IQSEC2: variants seen among roughly 807,000 people sequenced by gnomAD.
IQSEC2 encodes IQ motif and Sec7 domain ArfGEF 2.
Under a neutral mutation model 74.6 loss-of-function variants are expected in IQSEC2, and 6 were observed. That is an observed-to-expected ratio of 0.08 (90% CI 0.04 to 0.16). IQSEC2 has a LOEUF of 0.16. IQSEC2 is among the 10% of genes least tolerant of loss of function. The pLI is 1.00. For synonymous variants in IQSEC2, 494 were observed against 544.5 expected, an observed-to-expected ratio of 0.91 and a Z score of 1.29; for missense variants, 734 against 1,306.2, an observed-to-expected ratio of 0.56 and a Z score of 6.75.
Position 53,250,639 on chromosome X carries a change from C to T in IQSEC2, c.1937G>A (p.Arg646His). 8.3e-7 allele frequency: 1 copy of T among 1,208,193 alleles called. No individual in the cohort carries two copies. Among genetic ancestry groups the T allele is most frequent in the African/African-American group, 1.7e-5 (1 of 57,727 alleles). The part of the protein sequence containing the change: ...GPPGRAPIPH[R>H]HYPAPEGPAP... ...TGGGCCTTCAGGGGCTGGGTAGTGGCGGTGTGGGATCGGGGCCCTGCCTGG... is the reference window on the plus strand; with the variant it reads ...TGGGCCTTCAGGGGCTGGGTAGTGGTGGTGTGGGATCGGGGCCCTGCCTGG... The change falls in exon 5 of 15, where the codon CGC (arginine) becomes CAC (histidine). Residue 646 changes from arginine to histidine, a missense_variant. Physicochemically the swap from Arg to His is conservative, Grantham distance 29. Coordinates refer to ENST00000642864, the MANE Select transcript of IQSEC2 (RefSeq NM_001111125.3).
chrX:53,286,449 C>G (rs7064832), intron 2 of IQSEC2, among the ~76,000 whole-genome samples: 385 of 112,179 alleles, frequency 3.4e-3, no homozygotes, highest in African/African-American at 0.012. Context: ...TCTCTCTCCT[C>G]TCATCCAATT....
chrX:53,244,524 T>C (rs1434103690), intron 8 of IQSEC2, among the ~76,000 whole-genome samples: 1 of 72,294 alleles, frequency 1.4e-5, no homozygotes, highest in Non-Finnish European at 2.3e-5. Flanking sequence ...AGACCCTGTC[T>C]CAAAAAAAAA....
chrX:53,260,919 T>C (rs1359481444), intron 2 of IQSEC2, among the ~76,000 whole-genome samples: 1 of 111,285 alleles, frequency 9.0e-6, no homozygotes, highest in African/African-American at 3.3e-5. Flanking sequence ...TGACATCTTG[T>C]TGCCTCTCCT....
At chrX:53,307,829 G>C (rs1393862387) in intron 1 of IQSEC2, among the ~76,000 whole-genome samples, 1 of 103,494 alleles carries the variant, frequency 9.7e-6, no homozygotes, top group African/African-American at 3.6e-5. Flanking sequence ...CTTGAATCCA[G>C]CAGGTGGAGG....
downstream of IQSEC2, among the ~76,000 whole-genome samples, chrX:53,232,498 C>T (rs2074069592): frequency 9.0e-6 from 1 of 111,467 alleles, no homozygotes; most frequent in Non-Finnish European, 1.9e-5. Flanking sequence ...CAGCTCTGTC[C>T]TGGCTCCTTG....
At chrX:53,241,621 G>A (rs782601613) in intron 10 of IQSEC2, among the ~76,000 whole-genome samples, 163 bp downstream of exon 10, 2 of 112,177 alleles carry the variant, frequency 1.8e-5, no homozygotes, top group Non-Finnish European at 3.8e-5. Context: ...AAAAGGAGGG[G>A]CAGAGAAGGC....
Position 53,250,419 on chromosome X carries a change from G to T in IQSEC2, c.2157C>A (p.Asp719Glu). 1 of 1,211,787 alleles carries T rather than the reference G, an allele frequency of 8.3e-7. No individual in the cohort carries two copies. The highest frequency in any genetic ancestry group is 1.1e-6 in the Non-Finnish European group (1 of 895,425). ...CGGTAGCCGGAGGCTCCCTTAGACT[G>T]TCCCGAGAAGAGGAGCCGGAGCTGC... Reference protein sequence around the residue: ...INCSSGSSSRDSLREPPATGL... With the variant: ...INCSSGSSSRESLREPPATGL... The change falls in exon 5 of 15, where the codon GAC (aspartate) becomes GAA (glutamate). Residue 719 changes from aspartate (D) to glutamate (E), a missense_variant. Coordinates refer to ENST00000642864, the MANE Select transcript of IQSEC2 (RefSeq NM_001111125.3).
chrX:53,300,812 C>A (rs1293573690), intron 1 of IQSEC2, among the ~76,000 whole-genome samples: 1 of 111,728 alleles, frequency 9.0e-6, no homozygotes, highest in Non-Finnish European at 1.9e-5. Context: ...ACAGCTTCTA[C>A]ACCCTACATT....
intron 11 of IQSEC2, 47 bp from the exon 12 acceptor site, chrX:53,238,353 G>C: frequency 8.9e-7 from 1 of 1,127,804 alleles, no homozygotes; most frequent in Non-Finnish European, 1.2e-6. Context: ...ACTGGTGCAA[G>C]GTGGCTCATA....
At chrX:53,303,959 T>A in intron 1 of IQSEC2, among the ~76,000 whole-genome samples, 1 of 109,774 alleles carries the variant, frequency 9.1e-6, no homozygotes, top group Non-Finnish European at 1.9e-5. Flanking sequence ...TGAAACCCCG[T>A]CTCTACTAAA....
chrX:53,234,295 G>C lies in IQSEC2; in HGVS notation c.4391C>G (p.Ser1464Cys), dbSNP rs1556858946. The C allele has an allele frequency of 1.1e-6, 1 of 941,806 alleles. No homozygotes were observed. Among genetic ancestry groups the C allele is most frequent in the Non-Finnish European group, 1.4e-6 (1 of 721,926 alleles). The allele number at this position is 941,806 out of a possible 1,213,427, so 77.6% of individuals were successfully genotyped here. The change falls in exon 15 of 15, where the codon TCT becomes TGT. Residue 1464 changes from serine (S) to cysteine (C), a missense_variant. Physicochemically the swap from Ser to Cys is moderately radical, Grantham distance 112. Transcript: ENST00000642864. ...GGGGTTGGCTGTGCCAGGGGGCCCAGAGGCGTGCAGCGGGCCATGGGGGGA... is the reference window on the plus strand; with the variant it reads ...GGGGTTGGCTGTGCCAGGGGGCCCACAGGCGTGCAGCGGGCCATGGGGGGA... ...PTSPHGPLHA[S>C]GPPGTANPPS...
chrX:53,260,841 A>T (rs782685998), intron 2 of IQSEC2, among the ~76,000 whole-genome samples: 16 of 111,593 alleles, frequency 1.4e-4, no homozygotes, highest in African/African-American at 4.9e-4. Flanking sequence ...GGTGACATAA[A>T]CTTGCTCAAG....
intron 2 of IQSEC2, among the ~76,000 whole-genome samples, chrX:53,275,922 C>T (rs933878164): frequency 6.5e-5 from 7 of 107,103 alleles, no homozygotes; most frequent in African/African-American, 1.4e-4. Flanking sequence ...AGGATAGTCT[C>T]GATCTCCTGA....
At position 53,235,775 on chromosome X, in the gene IQSEC2, G is replaced by A; in HGVS notation, c.3501+8C>T. On this transcript the variant is annotated splice_region_variant and intron_variant, in intron 14 of 14. Coordinates refer to ENST00000642864, the MANE Select transcript of IQSEC2 (RefSeq NM_001111125.3). ...CAGAGGACGAGTGGGGCAGGAGCTG[G>A]CACTTACTTCGATGGTGCTGTCCAG... The A allele has an allele frequency of 1.7e-6, 2 of 1,166,237 alleles. No homozygotes were observed. The highest frequency in any genetic ancestry group is 2.3e-6 in the Non-Finnish European group (2 of 872,063).
At chrX:53,314,679 C>T (rs181051748) in intron 1 of IQSEC2, among the ~76,000 whole-genome samples, 3 of 111,695 alleles carry the variant, frequency 2.7e-5, no homozygotes, top group East Asian at 2.8e-4. Context: ...TGTACAAAGA[C>T]GAGAGGAAAA....
At position 53,234,228 on chromosome X, in the gene IQSEC2, G is replaced by A. The variant is rs1452805840; in HGVS notation, c.4458C>T (p.Thr1486=). The part of the protein sequence containing the change: ...NPKAKPSRIS[T]VV ...TCACTCTCTCCATTCATCAGACCAC[G>A]GTGCTGATCCGGCTTGGCTTGGCCT... Residue 1486 remains threonine (T), a synonymous_variant, in exon 15 of 15, where the codon ACC becomes ACT. Transcript: ENST00000642864. 7 of 1,055,189 alleles carry A rather than the reference G, an allele frequency of 6.6e-6. No homozygotes were observed. The Admixed American group carries it at 1.0e-4, about 15-fold the overall frequency. 87.0% of individuals were successfully genotyped at this position (1,055,189 alleles called of 1,213,427 possible).
intron 1 of IQSEC2, among the ~76,000 whole-genome samples, chrX:53,313,440 T>C (rs1335324215): frequency 8.9e-6 from 1 of 112,224 alleles, no homozygotes; most frequent in African/African-American, 3.2e-5. Flanking sequence ...CACTGGGGAA[T>C]GGGCTTCCCC....
intron 2 of IQSEC2, among the ~76,000 whole-genome samples, chrX:53,257,364 C>G (rs1444642769): frequency 1.8e-5 from 2 of 112,604 alleles, no homozygotes; most frequent in Non-Finnish European, 3.8e-5. Context: ...CCACGAGGCC[C>G]GGTCCCGGGC....
chrX:53,312,066 TA>T (rs1268009588), intron 1 of IQSEC2, among the ~76,000 whole-genome samples: 15 of 111,242 alleles, frequency 1.3e-4, no homozygotes, highest in Non-Finnish European at 2.6e-4. Flanking sequence ...ACTGAACTCA[TA>T]AAAAAACAAA....
Sources: gnomAD v4.1 joint callset for allele counts (sites outside exome capture counted in the v4.1 genomes callset) on GRCh38, gnomAD v4.1.1 for gene constraint, MANE v1.5 for transcripts, NCBI Gene and HGNC (gene_info 2026-07-23, HGNC 2026-07-21) for gene names.